Variants in TRMT11 observed in about 807,000 individuals in gnomAD.
The protein encoded by TRMT11 is tRNA (guanine(10)-N(2))-methyltransferase TRMT11.
Under a neutral mutation model 62.8 loss-of-function variants are expected in TRMT11, and 53 were observed. The observed-to-expected ratio is 0.84, with a 90% confidence interval of 0.68 to 1.06. The LOEUF is 1.06. Among genes scored for constraint, TRMT11 ranks in the 50% least tolerant of loss-of-function variants. TRMT11 has a pLI of 0.00. For synonymous variants in TRMT11, 188 were observed against 190.3 expected, an observed-to-expected ratio of 0.99 and a Z score of 0.10; for missense variants, 556 against 553.4, an observed-to-expected ratio of 1.00 and a Z score of -0.05.
chr6:126,226,125 C>A, the TRMT11 span, among the ~76,000 whole-genome samples: 1 of 151,902 alleles, frequency 6.6e-6, no homozygotes, highest in African/African-American at 2.4e-5. Flanking sequence ...AAAATAAAAC[C>A]CAAAACTAGC....
At chr6:126,151,943 CT>C (rs71024744) in intron 21 of TRMT11, among the ~76,000 whole-genome samples, 219 of 33,722 alleles carry the variant, frequency 6.5e-3, no homozygotes, top group East Asian at 0.017. Context: ...TTCTTTCTTT[CT>C]TTTCTTTCTT....
At chr6:126,143,966 A>C (rs532812668) in intron 21 of TRMT11, among the ~76,000 whole-genome samples, 1 of 152,214 alleles carries the variant, frequency 6.6e-6, no homozygotes, top group Non-Finnish European at 1.5e-5. Flanking sequence ...TTACCAGTTA[A>C]AGCAACAAAG....
chr6:126,232,693 T>C, the TRMT11 span, among the ~76,000 whole-genome samples: 2 of 152,122 alleles, frequency 1.3e-5, no homozygotes, highest in Non-Finnish European at 2.9e-5. Context: ...TTCCCAGACA[T>C]GTTTTGTGGG....
intron 1 of TRMT11, among the ~76,000 whole-genome samples, chr6:126,195,985 T>C (rs1237019541): frequency 6.6e-6 from 1 of 152,188 alleles, no homozygotes; most frequent in Non-Finnish European, 1.5e-5. Flanking sequence ...GCACTAAGAA[T>C]GGCAAATCAG....
At chr6:126,096,814 A>G (rs1777346642) in intron 17 of TRMT11, among the ~76,000 whole-genome samples, 1 of 152,168 alleles carries the variant, frequency 6.6e-6, no homozygotes, top group Admixed American at 6.5e-5. Flanking sequence ...TCTTGCTAAT[A>G]TTTTGTATTA....
At chr6:126,109,690 TGTAA>T (rs1777508379) in intron 17 of TRMT11, among the ~76,000 whole-genome samples, 1 of 152,216 alleles carries the variant, frequency 6.6e-6, no homozygotes, top group Non-Finnish European at 1.5e-5. Context: ...CTTCCTGATC[TGTAA>T]GTATCAGGAT....
chr6:126,014,713 C>T (rs980996600), intron 11 of TRMT11, among the ~76,000 whole-genome samples: 1 of 152,150 alleles, frequency 6.6e-6, no homozygotes, highest in Non-Finnish European at 1.5e-5. Flanking sequence ...ATTTCGTTAT[C>T]AGCTGATAAG....
chr6:125,992,677 A>T lies in TRMT11; in HGVS notation c.73-1080A>T, dbSNP rs1790810738. Among the ~76,000 whole-genome samples the T allele has an allele frequency of 2.0e-5, 3 of 152,344 alleles. No homozygotes were observed. In the South Asian group the frequency reaches 6.2e-4, roughly 32 times the overall value. Reference sequence around the variant, plus strand: ...ATTTAAGATTCTTGTATAAAGCCACATCGCTAGTATTTGGAAGAGCTGAAA... The same window carrying T: ...ATTTAAGATTCTTGTATAAAGCCACTTCGCTAGTATTTGGAAGAGCTGAAA... On this transcript the variant is annotated intron_variant, in intron 1 of 12. Transcript: ENST00000334379.
intron 8 of TRMT11, among the ~76,000 whole-genome samples, chr6:126,010,686 A>G (rs1794045946): frequency 6.6e-6 from 1 of 151,972 alleles, no homozygotes; most frequent in African/African-American, 2.4e-5. Flanking sequence ...CTTTTTTCTT[A>G]AGCTTGTTTT....
At chr6:126,168,673 C>G (rs369495034) in intron 21 of TRMT11, among the ~76,000 whole-genome samples, 12 of 152,276 alleles carry the variant, frequency 7.9e-5, no homozygotes, top group African/African-American at 2.9e-4. Context: ...AGTGTGCCAC[C>G]TCGCCCAGCT....
chr6:126,080,260 G>T (rs945035752), intron 17 of TRMT11, among the ~76,000 whole-genome samples: 5 of 151,694 alleles, frequency 3.3e-5, no homozygotes, highest in Non-Finnish European at 7.4e-5. Flanking sequence ...CAGTTATTTT[G>T]CTTTATTTTT....
At chr6:126,029,239 A>T (rs1023059929) in intron 12 of TRMT11, among the ~76,000 whole-genome samples, 2 of 152,174 alleles carry the variant, frequency 1.3e-5, no homozygotes, top group African/African-American at 2.4e-5. Flanking sequence ...TCTAACTCTG[A>T]GATTTTTAAT....
At chr6:126,091,855 C>T (rs1024293413) in intron 17 of TRMT11, among the ~76,000 whole-genome samples, 1 of 152,114 alleles carries the variant, frequency 6.6e-6, no homozygotes. Flanking sequence ...CTTTTCTGGC[C>T]GTAAAATCGC....
chr6:126,184,326 C>T (rs1342799837), intron 1 of TRMT11, among the ~76,000 whole-genome samples: 3 of 152,040 alleles, frequency 2.0e-5, no homozygotes, highest in Non-Finnish European at 4.4e-5. Flanking sequence ...TCTAATTCTC[C>T]ACTGCTTAAT....
At chr6:126,247,360 T>C in the TRMT11 span, among the ~76,000 whole-genome samples, 786 of 151,140 alleles carry the variant, frequency 5.2e-3, 9 homozygotes, top group African/African-American at 0.018. Flanking sequence ...CGCACACACA[T>C]ATACACACAC....
chr6:126,229,874 G>GT, the TRMT11 span, among the ~76,000 whole-genome samples: 7 of 151,944 alleles, frequency 4.6e-5, no homozygotes, highest in South Asian at 4.1e-4. Context: ...TAAAAGCGTT[G>GT]TTTTTTTAAG....
intron 12 of TRMT11, among the ~76,000 whole-genome samples, chr6:126,023,732 G>A (rs558869821): frequency 8.9e-4 from 135 of 152,254 alleles, no homozygotes; most frequent in African/African-American, 2.7e-3. Context: ...CTGGTGAGTC[G>A]CTTGATCTCT....
chr6:126,097,333 C>T (rs1777352059), intron 17 of TRMT11, among the ~76,000 whole-genome samples: 1 of 152,080 alleles, frequency 6.6e-6, no homozygotes, highest in Admixed American at 6.6e-5. Flanking sequence ...ATAATGCCTA[C>T]ATCACAAGAC....
At chr6:126,195,450 C>T (rs1304686469) in intron 1 of TRMT11, among the ~76,000 whole-genome samples, 1 of 152,070 alleles carries the variant, frequency 6.6e-6, no homozygotes, top group Non-Finnish European at 1.5e-5. Context: ...TTTATTATTA[C>T]AGACTTTGGA....
Sources: gnomAD v4.1 joint callset for allele counts (sites outside exome capture counted in the v4.1 genomes callset) on GRCh38, gnomAD v4.1.1 for gene constraint, MANE v1.5 for transcripts, NCBI Gene and HGNC (gene_info 2026-07-23, HGNC 2026-07-21) for gene names.